Variants in PREX2 observed in about 807,000 individuals in gnomAD.
The protein encoded by PREX2 is phosphatidylinositol-3,4,5-trisphosphate dependent Rac exchange factor 2.
A neutral mutation model predicts 203.2 loss-of-function variants in PREX2; 107 were observed. The ratio of observed to expected loss-of-function variants is 0.53; its 90% CI spans 0.45 to 0.62. The LOEUF is 0.62. Ranked by LOEUF, PREX2 falls within the 20% of genes least tolerant of loss-of-function variation. PREX2 has a pLI of 0.00. For missense variants in PREX2, 1,777 were observed against 1,955.9 expected, an observed-to-expected ratio of 0.91 and a Z score of 1.72; for synonymous variants, 672 against 663.6, an observed-to-expected ratio of 1.01 and a Z score of -0.19.
intron 1 of PREX2, among the ~76,000 whole-genome samples, chr8:67,976,571 A>G (rs143564064): frequency 7.5e-6 from 1 of 133,892 alleles, no homozygotes; most frequent in Admixed American, 7.5e-5. Flanking sequence ...AGACAGAGAC[A>G]GAGACAGAGA....
chr8:68,013,150 A>G (rs1039501175), intron 1 of PREX2, among the ~76,000 whole-genome samples: 16 of 152,226 alleles, frequency 1.1e-4, no homozygotes, highest in Non-Finnish European at 4.4e-5. Context: ...ATCCCAGTGA[A>G]CAAAGCAGGT....
chr8:67,994,897 C>T (rs1806719135), intron 1 of PREX2, among the ~76,000 whole-genome samples: 1 of 152,102 alleles, frequency 6.6e-6, no homozygotes, highest in African/African-American at 2.4e-5. Flanking sequence ...GGGTTAGATC[C>T]TATAAGACAT....
chr8:68,196,851 G>T (rs959661374), intron 37 of PREX2, among the ~76,000 whole-genome samples: 1 of 151,974 alleles, frequency 6.6e-6, no homozygotes, highest in Non-Finnish European at 1.5e-5. Context: ...TTCCCATGCA[G>T]CCTACAGAAC....
intron 10 of PREX2, among the ~76,000 whole-genome samples, chr8:68,059,912 A>T (rs974267383): frequency 6.6e-6 from 1 of 152,212 alleles, no homozygotes; most frequent in South Asian, 2.1e-4. Flanking sequence ...TGCACATTGA[A>T]TCCTTCTAAT....
At chr8:68,225,861 A>C (rs560921803) in intron 39 of PREX2, among the ~76,000 whole-genome samples, 1 of 152,332 alleles carries the variant, frequency 6.6e-6, no homozygotes, top group African/African-American at 2.4e-5. Context: ...TGGATAATAG[A>C]CACAGTGAAG....
intron 9 of PREX2, among the ~76,000 whole-genome samples, chr8:68,055,364 C>A (rs1808645012): frequency 6.6e-6 from 1 of 152,216 alleles, no homozygotes; most frequent in South Asian, 2.1e-4. Context: ...TCCATTCACA[C>A]CTGTGCATTC....
rs544388108 is a variant in PREX2 at position 68,065,128 on chromosome 8, A to T, written c.1340-3905A>T. Among the ~76,000 whole-genome samples, 12 of 152,316 alleles carry T rather than the reference A, an allele frequency of 7.9e-5. No individual in the cohort carries two copies. In the East Asian group the frequency reaches 2.3e-3, roughly 29 times the overall value. On this transcript the variant is annotated intron_variant, in intron 11 of 39. Transcript: ENST00000288368. ...TCAGCGTTTTTCTAAGGCAACAGCT[A>T]AGAGTTGCAGATTAACCCAAGGTTC...
chr8:68,074,803 A>C (rs2129611733), intron 14 of PREX2, among the ~76,000 whole-genome samples: 1 of 152,270 alleles, frequency 6.6e-6, no homozygotes, highest in Admixed American at 6.5e-5. Context: ...AACACAGAGT[A>C]AAAAAACTGG....
chr8:68,219,200 A>G (rs561995690), intron 38 of PREX2, among the ~76,000 whole-genome samples: 1 of 152,302 alleles, frequency 6.6e-6, no homozygotes, highest in African/African-American at 2.4e-5. Context: ...CTAAGGAGGT[A>G]GTTATGAGTT....
chr8:68,172,011 G>T (rs1811886960), intron 35 of PREX2, among the ~76,000 whole-genome samples: 1 of 151,944 alleles, frequency 6.6e-6, no homozygotes, highest in African/African-American at 2.4e-5. Flanking sequence ...CTCTCTTTTA[G>T]CAGAATTTCA....
intron 11 of PREX2, among the ~76,000 whole-genome samples, chr8:68,065,877 A>T (rs1809002867): frequency 6.6e-6 from 1 of 152,240 alleles, no homozygotes; most frequent in South Asian, 2.1e-4. Flanking sequence ...GTAGAGATTT[A>T]GTAGGAGATT....
intron 35 of PREX2, among the ~76,000 whole-genome samples, chr8:68,186,831 C>A (rs1007084402): frequency 2.0e-5 from 3 of 152,104 alleles, no homozygotes; most frequent in African/African-American, 7.2e-5. Flanking sequence ...TTTAAAAAGG[C>A]AGATTGTTGC....
intron 1 of PREX2, among the ~76,000 whole-genome samples, chr8:67,981,753 A>G (rs1177706656): frequency 6.6e-6 from 1 of 152,212 alleles, no homozygotes; most frequent in Non-Finnish European, 1.5e-5. Flanking sequence ...ATATATATTA[A>G]TCAGGCAGCC....
rs751937008 is a variant in PREX2, at chr8:68,044,490, G to A, written c.843G>A (p.Arg281=). The A allele has an allele frequency of 1.2e-5, 19 of 1,606,794 alleles. No homozygotes were observed. The highest frequency in any genetic ancestry group is 2.2e-5 in the East Asian group (1 of 44,840). ...TGTGATTTAATTCCATCTTAAGACG[G>A]TTGAAGAACAGCAAGGCATCTACAG... ...LLVYCKRKHR[R]LKNSKASTDG... The change falls in exon 8 of 40, where the codon CGG becomes CGA. Residue 281 remains arginine, a synonymous_variant. Transcript: ENST00000288368.
At chr8:68,201,221 C>T (rs191772115) in intron 37 of PREX2, among the ~76,000 whole-genome samples, 2 of 151,920 alleles carry the variant, frequency 1.3e-5, no homozygotes, top group African/African-American at 4.8e-5. Context: ...TTCCATCTTC[C>T]AGAGGAGGGA....
chr8:68,083,480 A>T, intron 18 of PREX2, 92 bp downstream of exon 18: 2 of 989,644 alleles, frequency 2.0e-6, no homozygotes, highest in Non-Finnish European at 3.0e-6. Flanking sequence ...AGAATTAAGC[A>T]TCTCATTGCT....
At chr8:68,054,580 T>A (rs1808620298) in intron 9 of PREX2, among the ~76,000 whole-genome samples, 1 of 152,210 alleles carries the variant, frequency 6.6e-6, no homozygotes, top group Non-Finnish European at 1.5e-5. Context: ...ATGTTGCTCC[T>A]TCAACAGTTC....
chr8:68,229,119 C>G (rs1223846903), intron 39 of PREX2, among the ~76,000 whole-genome samples: 2 of 152,056 alleles, frequency 1.3e-5, no homozygotes, highest in Non-Finnish European at 2.9e-5. Context: ...TTGTGGTCTC[C>G]TTTCACATAA....
chr8:68,102,628 C>T (rs1460116875), intron 23 of PREX2, among the ~76,000 whole-genome samples: 1 of 152,162 alleles, frequency 6.6e-6, no homozygotes, highest in Non-Finnish European at 1.5e-5. Context: ...ATTTTTCTTC[C>T]TGATGAAGGC....
Sources: allele counts gnomAD v4.1 joint callset (sites outside exome capture counted in the v4.1 genomes callset), GRCh38; gene constraint gnomAD v4.1.1; transcripts MANE v1.5; gene names NCBI Gene and HGNC (gene_info 2026-07-23, HGNC 2026-07-21).